Variants in RUNX2 observed in about 807,000 individuals in gnomAD.
RUNX2 encodes the protein RUNX family transcription factor 2.
In RUNX2, 10 loss-of-function variants were observed where a neutral mutation model predicts 51.7. That is an observed-to-expected ratio of 0.19 (90% CI 0.12 to 0.33). The LOEUF (loss-of-function observed/expected upper bound fraction) is 0.33, where lower values mean the gene tolerates loss of function less well. Ranked by LOEUF, RUNX2 falls within the 10% of genes least tolerant of loss-of-function variation. The pLI, the probability that RUNX2 is intolerant of heterozygous loss-of-function variation, is 1.00. For missense variants in RUNX2, 562 were observed against 691.3 expected (o/e 0.81, Z 2.10); for synonymous variants, 276 against 273.6 (o/e 1.01, Z -0.09).
intron 2 of RUNX2, among the ~76,000 whole-genome samples, chr6:45,342,754 G>A (rs1790067521): frequency 6.6e-6 from 1 of 151,908 alleles, no homozygotes; most frequent in Admixed American, 6.6e-5. Flanking sequence ...TGTTTTAAAA[G>A]CTTATTTTTC....
intron 5 of RUNX2, among the ~76,000 whole-genome samples, chr6:45,459,750 A>G (rs1180477177): frequency 6.6e-6 from 1 of 152,254 alleles, no homozygotes; most frequent in Non-Finnish European, 1.5e-5. Context: ...GCAGATAGTG[A>G]TAAGTACTTT....
At chr6:45,433,408 T>C (rs1798597529) in intron 4 of RUNX2, among the ~76,000 whole-genome samples, 1 of 152,202 alleles carries the variant, frequency 6.6e-6, no homozygotes, top group African/African-American at 2.4e-5. Context: ...TTTCCTTTTT[T>C]TCTAGTTAGA....
At chr6:45,366,593 T>C (rs557684081) in intron 2 of RUNX2, among the ~76,000 whole-genome samples, 3 of 152,198 alleles carry the variant, frequency 2.0e-5, no homozygotes, top group Admixed American at 6.5e-5. Context: ...TAAATTTAGA[T>C]GTATTACCCT....
rs76322360 is a variant in RUNX2 at position 45,442,963 on chromosome 6, G to A, written c.685+4912G>A. On this transcript the variant is annotated intron_variant, in intron 5 of 8. Coordinates refer to ENST00000647337, the MANE Select transcript of RUNX2 (RefSeq NM_001024630.4). ...GTGGCCTCTCCATGTGGTCTTTCCC[G>A]CTGAGTCTGACTTCTCACATGGCGG... Among the ~76,000 whole-genome samples the A allele has an allele frequency of 9.0e-3, 1,337 of 149,330 alleles. 16 individuals carry two copies. The highest frequency in any genetic ancestry group is 0.031 in the African/African-American group (1,263 of 40,600).
At chr6:45,519,830 GTGTGTGTA>G (rs1354808604) in intron 7 of RUNX2, among the ~76,000 whole-genome samples, 1 of 144,882 alleles carries the variant, frequency 6.9e-6, no homozygotes, top group Non-Finnish European at 1.5e-5. Flanking sequence ...GTGTGTGTGT[GTGTGTGTA>G]TATATTTGAG....
chr6:45,458,607 A>C (rs138770141), intron 5 of RUNX2, among the ~76,000 whole-genome samples: 6 of 152,354 alleles, frequency 3.9e-5, no homozygotes, highest in East Asian at 1.9e-4. Flanking sequence ...ATCAACAATA[A>C]AATTTTGATT....
At chr6:45,410,037 T>C (rs1173244938) in intron 2 of RUNX2, among the ~76,000 whole-genome samples, 3 of 152,086 alleles carry the variant, frequency 2.0e-5, no homozygotes, top group African/African-American at 2.4e-5. Flanking sequence ...TTTCACAAGA[T>C]ATATTTGTTT....
chr6:45,513,889 C>T (rs567792479), intron 7 of RUNX2, among the ~76,000 whole-genome samples: 100 of 152,254 alleles, frequency 6.6e-4, no homozygotes, highest in South Asian at 4.1e-4. Context: ...GTGGGGATAA[C>T]GAAGGCTGAT....
At chr6:45,439,713 A>G (rs1306610213) in intron 5 of RUNX2, among the ~76,000 whole-genome samples, 1 of 151,812 alleles carries the variant, frequency 6.6e-6, no homozygotes, top group African/African-American at 2.4e-5. Context: ...GTGTGTGTAT[A>G]TGTGTACATA....
At chr6:45,455,458 G>A (rs554415864) in intron 5 of RUNX2, among the ~76,000 whole-genome samples, 113 of 152,236 alleles carry the variant, frequency 7.4e-4, no homozygotes, top group African/African-American at 2.5e-3. Context: ...TATCCATATT[G>A]TTTATTTCTA....
At chr6:45,378,080 C>A (rs1218086636) in intron 2 of RUNX2, 1 of 152,140 alleles carries the variant, frequency 6.6e-6, no homozygotes, top group Non-Finnish European at 1.5e-5. Context: ...CGCGCGCTCT[C>A]CCAGCCCGAG....
intron 2 of RUNX2, among the ~76,000 whole-genome samples, chr6:45,373,549 G>T (rs1391447145): frequency 2.6e-5 from 4 of 152,050 alleles, no homozygotes; most frequent in African/African-American, 9.7e-5. Context: ...TATTATTTGT[G>T]TGTGTGTGTG....
rs1802535770 is a variant in RUNX2, at chr6:45,550,586, GA to G, written c.*3283del. ...ATAAAAGACACTTCTTCCAAACCTTGAATTTGTTGTTTTTAGAAAACGAATG... is the reference window on the plus strand; with the variant it reads ...ATAAAAGACACTTCTTCCAAACCTTGATTTGTTGTTTTTAGAAAACGAATG... On this transcript the variant is annotated 3_prime_UTR_variant, in exon 9 of 9. Transcript: ENST00000647337. 1 of 152,576 alleles carries G rather than the reference GA, an allele frequency of 6.6e-6. No individual in the cohort carries two copies. 9.5% of individuals were successfully genotyped at this position (152,576 alleles called of 1,614,324 possible). A position where few individuals can be genotyped will look rare whatever the true frequency, so the allele number is the denominator to read the frequency against.
intron 5 of RUNX2, among the ~76,000 whole-genome samples, chr6:45,471,011 G>A (rs1799783378): frequency 6.6e-6 from 1 of 152,218 alleles, no homozygotes; most frequent in South Asian, 2.1e-4. Context: ...TAATGGCATT[G>A]TGGGAATAAT....
intron 7 of RUNX2, chr6:45,513,759 A>T (rs1215220538): frequency 1.3e-5 from 2 of 152,194 alleles, no homozygotes; most frequent in Non-Finnish European, 2.9e-5. Flanking sequence ...CGAATCACAT[A>T]GTATGTATTG....
rs775587041 is a variant in RUNX2 at position 45,328,362 on chromosome 6, T to C, written c.-165T>C. The C allele has an allele frequency of 1.4e-6, 2 of 1,385,098 alleles. No individual in the cohort carries two copies. Among genetic ancestry groups the C allele is most frequent in the Non-Finnish European group, 1.9e-6 (2 of 1,034,162 alleles). The allele number at this position is 1,385,098 out of a possible 1,614,324, so 85.8% of individuals were successfully genotyped here. Reference sequence around the variant, plus strand: ...TCACAAACAACCACAGAACCACAAGTGCGGTGCAAACTTTCTCCAGGAGGA... The same window carrying C: ...TCACAAACAACCACAGAACCACAAGCGCGGTGCAAACTTTCTCCAGGAGGA... On this transcript the variant is annotated 5_prime_UTR_variant, in exon 1 of 9. Coordinates refer to ENST00000647337, the MANE Select transcript of RUNX2 (RefSeq NM_001024630.4).
intron 2 of RUNX2, 43 bp from the exon 3 acceptor site, chr6:45,422,550 C>T (rs1385066484): frequency 6.9e-7 from 1 of 1,442,458 alleles, no homozygotes; most frequent in Non-Finnish European, 9.3e-7. Flanking sequence ...CCTCCCCCGG[C>T]CACTTCGCTA....
At chr6:45,413,798 T>TA (rs1224417015) in intron 2 of RUNX2, among the ~76,000 whole-genome samples, 4 of 152,036 alleles carry the variant, frequency 2.6e-5, no homozygotes, top group East Asian at 1.9e-4. Flanking sequence ...AATAACATAT[T>TA]AAAAAAATAA....
intron 7 of RUNX2, among the ~76,000 whole-genome samples, chr6:45,523,326 C>G (rs1471032909): frequency 6.6e-6 from 1 of 151,980 alleles, no homozygotes; most frequent in African/African-American, 2.4e-5. Flanking sequence ...AGTGTAGTGG[C>G]ATGATCTCAG....
Sources: allele counts gnomAD v4.1 joint callset (sites outside exome capture counted in the v4.1 genomes callset), GRCh38; gene constraint gnomAD v4.1.1; transcripts MANE v1.5; gene names NCBI Gene and HGNC (gene_info 2026-07-23, HGNC 2026-07-21).